Variants in SCAPER observed in about 807,000 individuals in gnomAD.
The protein encoded by SCAPER is S phase cyclin A-associated protein in the endoplasmic reticulum.
A neutral mutation model predicts 182.2 loss-of-function variants in SCAPER; 98 were observed. That is an observed-to-expected ratio of 0.54 (90% CI 0.46 to 0.64). SCAPER has a LOEUF of 0.64. SCAPER is among the 30% of genes least tolerant of loss of function. The pLI is 0.00. For missense variants in SCAPER, 1,432 were observed against 1,690.0 expected, an observed-to-expected ratio of 0.85 and a Z score of 2.68; for synonymous variants, 605 against 564.6, an observed-to-expected ratio of 1.07 and a Z score of -1.01.
chr15:76,624,621 A>G (rs1035226450), intron 21 of SCAPER, among the ~76,000 whole-genome samples: 2 of 152,186 alleles, frequency 1.3e-5, no homozygotes, highest in African/African-American at 4.8e-5. Flanking sequence ...AAACAGCATC[A>G]GTGGTGTCTG....
intron 1 of SCAPER, among the ~76,000 whole-genome samples, chr15:76,901,672 T>C (rs1208518936): frequency 2.0e-5 from 3 of 152,232 alleles, no homozygotes; most frequent in South Asian, 2.1e-4. Flanking sequence ...ATGAAATCTT[T>C]AGTGTTTCAT....
chr15:76,460,821 T>C (rs2049115660), intron 25 of SCAPER, among the ~76,000 whole-genome samples: 1 of 152,150 alleles, frequency 6.6e-6, no homozygotes, highest in African/African-American at 2.4e-5. Flanking sequence ...TTTTTAACAA[T>C]TTAAAACTTT....
intron 22 of SCAPER, among the ~76,000 whole-genome samples, chr15:76,599,076 A>T (rs2049723093): frequency 8.3e-6 from 1 of 121,036 alleles, no homozygotes; most frequent in African/African-American, 2.5e-5. Context: ...ATTCAATAAT[A>T]AAAAAAGATA....
At chr15:76,804,659 T>A in intron 5 of SCAPER, 26 bp from the exon 6 acceptor site, 7 of 1,456,538 alleles carry the variant, frequency 4.8e-6, no homozygotes, top group South Asian at 3.8e-5. Flanking sequence ...CAAAAAAAAA[T>A]TAAATTCCAG....
At chr15:76,777,386 G>A (rs999719825) in intron 8 of SCAPER, among the ~76,000 whole-genome samples, 9 of 152,152 alleles carry the variant, frequency 5.9e-5, no homozygotes, top group Non-Finnish European at 2.9e-5. Flanking sequence ...GTTCCCAAAA[G>A]AGAAATGAAA....
At chr15:76,523,060 A>C (rs2144340821) in intron 23 of SCAPER, among the ~76,000 whole-genome samples, 1 of 152,132 alleles carries the variant, frequency 6.6e-6, no homozygotes, top group Non-Finnish European at 1.5e-5. Context: ...TCCTCCCATA[A>C]TTCCAAAATA....
chr15:76,772,904 C>T (rs572411156), intron 9 of SCAPER, among the ~76,000 whole-genome samples: 1 of 151,936 alleles, frequency 6.6e-6, no homozygotes, highest in Non-Finnish European at 1.5e-5. Context: ...TGGCCATAAA[C>T]CTCCCCCCAG....
At chr15:76,449,621 G>A (rs945357591) in intron 25 of SCAPER, among the ~76,000 whole-genome samples, 8 of 152,164 alleles carry the variant, frequency 5.3e-5, no homozygotes, top group African/African-American at 1.9e-4. Context: ...TGACAAGTGG[G>A]TACAAGGTTG....
At chr15:76,885,353 T>C (rs1284453349) in intron 1 of SCAPER, among the ~76,000 whole-genome samples, 1 of 152,214 alleles carries the variant, frequency 6.6e-6, no homozygotes, top group Non-Finnish European at 1.5e-5. Context: ...CTGGCCTCCT[T>C]ATGCTTCCCA....
chr15:76,458,565 G>GT (rs1429591876), intron 25 of SCAPER, among the ~76,000 whole-genome samples: 6 of 151,908 alleles, frequency 3.9e-5, no homozygotes, highest in Non-Finnish European at 8.8e-5. Flanking sequence ...TATAATATTT[G>GT]TACATTTCAT....
intron 21 of SCAPER, among the ~76,000 whole-genome samples, chr15:76,659,308 T>C (rs759744876): frequency 1.5e-4 from 23 of 152,184 alleles, no homozygotes; most frequent in Admixed American, 1.5e-3. Flanking sequence ...TCTTGCTCTG[T>C]TGCCCAGGCT....
At chr15:76,786,124 T>C (rs3099145) in intron 8 of SCAPER, among the ~76,000 whole-genome samples, 147,641 of 152,038 alleles carry the variant, frequency 0.97, 71,815 homozygotes, top group East Asian at 1. Flanking sequence ...GTGAGGAGTT[T>C]GAGACTAGCC....
At position 76,460,165 on chromosome 15, in the gene SCAPER, G is replaced by A. The variant is rs868868448; in HGVS notation, c.3078+11047C>T. Among the ~76,000 whole-genome samples the A allele has an allele frequency of 3.9e-5, 6 of 152,170 alleles. No individual in the cohort carries two copies. The South Asian group carries it at 1.2e-3, about 32-fold the overall frequency. ...CTAAATCTGTAGGTTTCTTTAGGTA[G>A]TATAGTCATTTTATTACATTAATTA... On this transcript the variant is annotated intron_variant, in intron 25 of 31. Transcript: ENST00000563290.
At chr15:76,408,649 G>C (rs1315654330) in intron 26 of SCAPER, among the ~76,000 whole-genome samples, 1 of 151,728 alleles carries the variant, frequency 6.6e-6, no homozygotes, top group African/African-American at 2.4e-5. Flanking sequence ...TGTGGGGGTT[G>C]GTATGACTAT....
In SCAPER at chr15:76,857,883, C is replaced by G; in HGVS notation, c.125-4G>C. 1.3e-6 allele frequency: 2 copies of G among 1,541,062 alleles called. No homozygotes were observed. The highest frequency in any genetic ancestry group is 1.8e-6 in the Non-Finnish European group (2 of 1,140,548). ...CCAGTTTGACATTTAGGTTTTCCTT[C>G]AAGGCAAGAAAAAAATAAATATGTA... On this transcript the variant is annotated splice_polypyrimidine_tract_variant and splice_region_variant and intron_variant, in intron 3 of 31. Transcript: ENST00000563290.
At chr15:76,735,151 G>A (rs1298671860) in intron 15 of SCAPER, among the ~76,000 whole-genome samples, 1 of 151,910 alleles carries the variant, frequency 6.6e-6, no homozygotes, top group African/African-American at 2.4e-5. Context: ...TTCAAGATCA[G>A]CCTGAGCAAT....
At chr15:76,788,308 G>A (rs868011980) in intron 8 of SCAPER, among the ~76,000 whole-genome samples, 1 of 152,062 alleles carries the variant, frequency 6.6e-6, no homozygotes, top group Non-Finnish European at 1.5e-5. Context: ...AAAAACCAAT[G>A]AACTATATAC....
rs1344843872 is a variant in SCAPER at position 76,410,709 on chromosome 15, C to T, written c.3312-6030G>A. ...CTGAGTCTCAGCCTCTTTATATCTA[C>T]CCCACTAGTAAAGTTGATTCCTTCA... On this transcript the variant is annotated intron_variant, in intron 26 of 31. Coordinates refer to ENST00000563290, the MANE Select transcript of SCAPER (RefSeq NM_020843.4). 2.0e-5 allele frequency among the ~76,000 whole-genome samples: 3 copies of T among 152,070 alleles called. No homozygotes were observed. The East Asian group carries it at 5.8e-4, about 29-fold the overall frequency.
At chr15:76,847,769 AG>A (rs2070265622) in intron 4 of SCAPER, among the ~76,000 whole-genome samples, 1 of 151,996 alleles carries the variant, frequency 6.6e-6, no homozygotes. Context: ...AAAAATGAAA[AG>A]GCTAACCAGG....
Sources: allele counts gnomAD v4.1 joint callset (sites outside exome capture counted in the v4.1 genomes callset), GRCh38; gene constraint gnomAD v4.1.1; transcripts MANE v1.5; gene names NCBI Gene and HGNC (gene_info 2026-07-23, HGNC 2026-07-21).